SIK2: variants seen among roughly 807,000 people sequenced by gnomAD.
SIK2 encodes the protein salt inducible kinase 2, also known as serine/threonine-protein kinase SIK2.
Under a neutral mutation model 103.2 loss-of-function variants are expected in SIK2, and 29 were observed. That is an observed-to-expected ratio of 0.28 (90% CI 0.21 to 0.38). SIK2 has a LOEUF of 0.38. Among genes scored for constraint, SIK2 ranks in the 10% least tolerant of loss-of-function variants. The pLI, the probability that SIK2 is intolerant of heterozygous loss-of-function variation, is 1.00. For synonymous variants in SIK2, 412 were observed against 446.1 expected (o/e 0.92, Z 0.96); for missense variants, 879 against 1,171.0 (o/e 0.75, Z 3.64).
chr11:111,684,528 G>A (rs1258795770), intron 3 of SIK2, among the ~76,000 whole-genome samples: 3 of 152,152 alleles, frequency 2.0e-5, no homozygotes, highest in South Asian at 2.1e-4. Flanking sequence ...ATAGCATTTT[G>A]TGTGGAATCT....
chr11:111,691,655 A>G (rs1942944551), intron 4 of SIK2, among the ~76,000 whole-genome samples: 1 of 152,138 alleles, frequency 6.6e-6, no homozygotes. Context: ...GCTTCCATTC[A>G]TTACAAGCAG....
At chr11:111,682,009 G>A (rs966541607) in intron 3 of SIK2, among the ~76,000 whole-genome samples, 1 of 152,160 alleles carries the variant, frequency 6.6e-6, no homozygotes, top group East Asian at 1.9e-4. Flanking sequence ...CAAGCCCTCT[G>A]AGGGTTCTGA....
At chr11:111,700,816 A>C (rs1943195718) in intron 4 of SIK2, 70 bp from the exon 5 acceptor site, 1 of 1,574,394 alleles carries the variant, frequency 6.4e-7, no homozygotes, top group Non-Finnish European at 8.7e-7. Context: ...ATATTAGAAA[A>C]TTTATTACAG....
At chr11:111,693,117 A>G (rs547956874) in intron 4 of SIK2, among the ~76,000 whole-genome samples, 2 of 152,066 alleles carry the variant, frequency 1.3e-5, no homozygotes, top group Non-Finnish European at 2.9e-5. Context: ...GCGGATCACG[A>G]GGGCAGGATT....
At chr11:111,643,876 A>C (rs1942216582) in intron 3 of SIK2, among the ~76,000 whole-genome samples, 1 of 151,942 alleles carries the variant, frequency 6.6e-6, no homozygotes, top group South Asian at 2.1e-4. Flanking sequence ...CCAGCTACTC[A>C]TGAGGCTTAG....
At chr11:111,716,844 C>CTCT (rs1258917359) in intron 9 of SIK2, among the ~76,000 whole-genome samples, 1 of 152,100 alleles carries the variant, frequency 6.6e-6, no homozygotes, top group East Asian at 1.9e-4. Context: ...ACTGAACAGA[C>CTCT]AACCCACAGA....
intron 3 of SIK2, among the ~76,000 whole-genome samples, chr11:111,675,595 A>C (rs946652405): frequency 1.3e-5 from 2 of 152,216 alleles, no homozygotes; most frequent in African/African-American, 4.8e-5. Flanking sequence ...GCCACTAGCT[A>C]ATAAACTAGG....
intron 8 of SIK2, among the ~76,000 whole-genome samples, chr11:111,709,244 C>G (rs1943433052): frequency 1.3e-5 from 2 of 152,190 alleles, no homozygotes; most frequent in South Asian, 4.1e-4. Flanking sequence ...TCTCTGGTGT[C>G]TCTCCCTCCT....
At position 111,705,299 on chromosome 11, in the gene SIK2, C is replaced by T. The variant is rs1033062469; in HGVS notation, c.1101+160C>T. Among the ~76,000 whole-genome samples the T allele has an allele frequency of 2.0e-5, 3 of 152,192 alleles. No homozygotes were observed. The highest frequency in any genetic ancestry group is 2.9e-5 in the Non-Finnish European group (2 of 68,034). On this transcript the variant is annotated intron_variant, in intron 8 of 14. Coordinates refer to ENST00000304987, the MANE Select transcript of SIK2 (RefSeq NM_015191.3). The surrounding 1 kb of genome is among the most constrained non-coding windows in gnomAD (Gnocchi z 4.3). ...CACTAGATTCTCAAATGTTTTAGCA[C>T]TTCCTCATTTTTAAGGGTTAACTTT...
chr11:111,690,152 GTGTCAT>G (rs1211378273), intron 4 of SIK2, among the ~76,000 whole-genome samples: 1 of 151,546 alleles, frequency 6.6e-6, no homozygotes, highest in African/African-American at 2.4e-5. Flanking sequence ...CTTCCATTTG[GTGTCAT>G]TTATTTCACT....
Position 111,727,132 on chromosome 11 carries a change from C to A in SIK2, c.*3003C>A. On this transcript the variant is annotated 3_prime_UTR_variant, in exon 15 of 15. Coordinates refer to ENST00000304987, the MANE Select transcript of SIK2 (RefSeq NM_015191.3). ...CACATTCCCGGTGACACTGACCGTCCCCAGCTGCCCCCTCGCCACCTCTGC... is the reference window on the plus strand; with the variant it reads ...CACATTCCCGGTGACACTGACCGTCACCAGCTGCCCCCTCGCCACCTCTGC... 1 of 1,289,744 alleles carries A rather than the reference C, an allele frequency of 7.8e-7. No individual in the cohort carries two copies. The highest frequency in any genetic ancestry group is 1.5e-5 in the African/African-American group (1 of 68,494). The allele number at this position is 1,289,744 out of a possible 1,614,324, so 79.9% of individuals were successfully genotyped here. A position where few individuals can be genotyped will look rare whatever the true frequency, so the allele number is the denominator to read the frequency against.
At chr11:111,658,750 A>G (rs1167102503) in intron 3 of SIK2, among the ~76,000 whole-genome samples, 1 of 151,714 alleles carries the variant, frequency 6.6e-6, no homozygotes, top group Admixed American at 6.6e-5. Flanking sequence ...CAAAAAAAAA[A>G]GAAGAAGAAG....
chr11:111,654,845 G>T (rs1284841588), intron 3 of SIK2, among the ~76,000 whole-genome samples: 1 of 152,132 alleles, frequency 6.6e-6, no homozygotes, highest in Non-Finnish European at 1.5e-5. Flanking sequence ...TTGTACAAAA[G>T]CTTCATGGAG....
At chr11:111,668,206 T>G (rs200946695) in intron 3 of SIK2, among the ~76,000 whole-genome samples, 18 of 105,398 alleles carry the variant, frequency 1.7e-4, no homozygotes, top group African/African-American at 5.3e-4. Context: ...GTGTGTGTGT[T>G]TGTGCACACG....
Position 111,701,361 on chromosome 11 carries a change from A to T in SIK2, c.604-91A>T. On this transcript the variant is annotated intron_variant, in intron 5 of 14. Transcript: ENST00000304987. The surrounding 1 kb of genome is among the most constrained non-coding windows in gnomAD (Gnocchi z 4.2). The stretch of plus-strand genomic sequence containing the variant: ...AATCCAGACAGGAATTTTTCAGTCC[A>T]TATGATTTCAAGAGCCCTGGGGATG... The T allele has an allele frequency of 6.7e-7, 1 of 1,482,456 alleles. No individual in the cohort carries two copies. The highest frequency in any genetic ancestry group is 9.1e-7 in the Non-Finnish European group (1 of 1,104,034). 91.8% of individuals were successfully genotyped at this position (1,482,456 alleles called of 1,614,324 possible).
chr11:111,639,164 A>G (rs1942149043), intron 3 of SIK2, among the ~76,000 whole-genome samples: 1 of 152,220 alleles, frequency 6.6e-6, no homozygotes, highest in Non-Finnish European at 1.5e-5. Flanking sequence ...AGCTCTGGGA[A>G]CCATTCAGCT....
chr11:111,670,638 C>G (rs1038084319), intron 3 of SIK2, among the ~76,000 whole-genome samples: 2 of 152,190 alleles, frequency 1.3e-5, no homozygotes, highest in African/African-American at 4.8e-5. Context: ...GGCTTGAGCT[C>G]CTCTTGGATT....
rs1314574026 is a variant in SIK2, at chr11:111,728,992, T to TA, written c.*4866dup. 1 of 152,202 alleles carries TA rather than the reference T, an allele frequency of 6.6e-6. No individual in the cohort carries two copies. Among genetic ancestry groups the TA allele is most frequent in the Non-Finnish European group, 1.5e-5 (1 of 68,056 alleles). The allele number at this position is 152,202 out of a possible 1,614,324, so 9.4% of individuals were successfully genotyped here. On this transcript the variant is annotated 3_prime_UTR_variant, in exon 15 of 15. Coordinates refer to ENST00000304987, the MANE Select transcript of SIK2 (RefSeq NM_015191.3). ...TCTAAACTGGACAAAGAGATTTTCT[T>TA]AAAGTTTCTATCATCTCCCTTCTGA... is the stretch of plus-strand genomic sequence containing the variant.
intron 3 of SIK2, among the ~76,000 whole-genome samples, chr11:111,646,284 T>C (rs1942256509): frequency 6.6e-6 from 1 of 152,004 alleles, no homozygotes; most frequent in South Asian, 2.1e-4. Context: ...ACCGCATCTC[T>C]ACTAAAAATA....
Sources: gnomAD v4.1 joint callset for allele counts (sites outside exome capture counted in the v4.1 genomes callset) on GRCh38, gnomAD v4.1.1 for gene constraint, Gnocchi (gnomAD v3.1) non-coding constraint, MANE v1.5 for transcripts, NCBI Gene and HGNC (gene_info 2026-07-23, HGNC 2026-07-21) for gene names.